Variants in ACYP2 observed in about 807,000 individuals in gnomAD.
The protein encoded by ACYP2 is acylphosphatase 2.
ACYP2 carries 12 observed loss-of-function variants against 11.2 expected under a neutral mutation model. That is an observed-to-expected ratio of 1.08 (90% CI 0.69 to 1.74). The LOEUF (loss-of-function observed/expected upper bound fraction) is 1.74. Among genes scored for constraint, ACYP2 ranks in the 40% most tolerant of loss-of-function variants. The pLI, the probability that ACYP2 is intolerant of heterozygous loss-of-function variation, is 0.00. For synonymous variants in ACYP2, 43 were observed against 32.2 expected, an observed-to-expected ratio of 1.33 and a Z score of -1.13; for missense variants, 134 against 101.9, an observed-to-expected ratio of 1.31 and a Z score of -1.35.
intron 6 of ACYP2, among the ~76,000 whole-genome samples, chr2:54,218,688 G>A (rs1003487024): frequency 7.7e-6 from 1 of 130,486 alleles, no homozygotes; most frequent in Non-Finnish European, 1.7e-5. Context: ...GTCTAGGGGT[G>A]GTATAGTGGT....
intron 2 of ACYP2, among the ~76,000 whole-genome samples, chr2:54,015,771 GAC>G (rs1673653606): frequency 6.6e-6 from 1 of 152,088 alleles, no homozygotes; most frequent in Admixed American, 6.6e-5. Flanking sequence ...AGATGCATGT[GAC>G]AGTTTGAGAG....
chr2:53,986,921 G>A (rs1034582363), intron 2 of ACYP2, among the ~76,000 whole-genome samples: 3 of 152,022 alleles, frequency 2.0e-5, no homozygotes, highest in African/African-American at 4.8e-5. Context: ...CACCGCACCC[G>A]ACCAAACCTC....
intron 2 of ACYP2, among the ~76,000 whole-genome samples, chr2:54,018,116 G>C (rs1333754232): frequency 1.3e-5 from 2 of 152,126 alleles, no homozygotes; most frequent in Non-Finnish European, 2.9e-5. Flanking sequence ...TAGCAACCCA[G>C]AGCACGTTTT....
intron 6 of ACYP2, among the ~76,000 whole-genome samples, chr2:54,180,741 A>G: frequency 6.6e-6 from 1 of 152,026 alleles, no homozygotes; most frequent in East Asian, 1.9e-4. Flanking sequence ...TTTTTTGTAG[A>G]GATGGGATTT....
intron 4 of ACYP2, among the ~76,000 whole-genome samples, chr2:54,084,326 A>C (rs916960566): frequency 1.3e-5 from 2 of 152,058 alleles, no homozygotes; most frequent in African/African-American, 4.8e-5. Context: ...ACGGAGTCTC[A>C]CTCTGTCGTC....
chr2:54,123,071 A>C, intron 4 of ACYP2: 1 of 292,746 alleles, frequency 3.4e-6, no homozygotes, highest in Non-Finnish European at 6.3e-6. Context: ...AGCGGGAGGA[A>C]GAAGAGGACA....
At chr2:54,146,712 A>C (rs986484937) in intron 6 of ACYP2, among the ~76,000 whole-genome samples, 9 of 150,494 alleles carry the variant, frequency 6.0e-5, no homozygotes, top group Admixed American at 3.3e-4. Flanking sequence ...ATAGCATCTC[A>C]TTCTTGTTGT....
intron 4 of ACYP2, among the ~76,000 whole-genome samples, chr2:54,096,241 C>T (rs1298766575): frequency 4.1e-5 from 6 of 147,508 alleles, no homozygotes; most frequent in Non-Finnish European, 7.5e-5. Flanking sequence ...GACGGGGCGG[C>T]GGAGCAGAGG....
chr2:54,076,765 G>C (rs1677364884), intron 4 of ACYP2, among the ~76,000 whole-genome samples: 1 of 152,160 alleles, frequency 6.6e-6, no homozygotes, highest in Non-Finnish European at 1.5e-5. Flanking sequence ...CTGGAGTGGA[G>C]GTGGTGGCTA....
intron 6 of ACYP2, among the ~76,000 whole-genome samples, chr2:54,291,930 G>C (rs1382652443): frequency 2.6e-5 from 4 of 152,196 alleles, no homozygotes; most frequent in African/African-American, 9.7e-5. Flanking sequence ...TAATTCTATA[G>C]GGGTATGCAC....
intron 6 of ACYP2, among the ~76,000 whole-genome samples, chr2:54,157,041 T>C (rs1682465806): frequency 6.6e-6 from 1 of 152,196 alleles, no homozygotes; most frequent in Non-Finnish European, 1.5e-5. Flanking sequence ...AAATCTATTT[T>C]AGTTTACCAG....
chr2:54,024,285 G>C (rs1308256571), intron 2 of ACYP2, among the ~76,000 whole-genome samples: 1 of 152,072 alleles, frequency 6.6e-6, no homozygotes. Flanking sequence ...AGAATCACTT[G>C]AACCTGAGAG....
At chr2:54,151,009 G>C (rs1266901739) in intron 6 of ACYP2, among the ~76,000 whole-genome samples, 1 of 152,116 alleles carries the variant, frequency 6.6e-6, no homozygotes, top group African/African-American at 2.4e-5. Flanking sequence ...CCAAAGTGCT[G>C]GGATTACAGG....
intron 6 of ACYP2, among the ~76,000 whole-genome samples, chr2:54,184,828 A>T (rs1242753292): frequency 2.0e-5 from 3 of 151,994 alleles, no homozygotes; most frequent in Non-Finnish European, 4.4e-5. Flanking sequence ...TTTCAAATTA[A>T]CTAATGCATT....
intron 4 of ACYP2, among the ~76,000 whole-genome samples, chr2:54,118,563 G>T (rs77620621): frequency 6.6e-6 from 1 of 152,110 alleles, no homozygotes; most frequent in East Asian, 1.9e-4. Flanking sequence ...GACTTTAAAA[G>T]TTGTGCTTTC....
At chr2:54,012,536 G>A (rs1009137558) in intron 2 of ACYP2, among the ~76,000 whole-genome samples, 1 of 152,036 alleles carries the variant, frequency 6.6e-6, no homozygotes, top group Non-Finnish European at 1.5e-5. Context: ...AATCAATAAA[G>A]CATTTTGTAT....
chr2:54,138,231 T>C (rs1419738013), intron 5 of ACYP2, among the ~76,000 whole-genome samples: 1 of 152,212 alleles, frequency 6.6e-6, no homozygotes, highest in Non-Finnish European at 1.5e-5. Flanking sequence ...ATCATAATTG[T>C]ATATGTTTTT....
At chr2:54,146,439 A>ATT (rs11360655) in intron 6 of ACYP2, among the ~76,000 whole-genome samples, 24 of 140,650 alleles carry the variant, frequency 1.7e-4, no homozygotes, top group East Asian at 1.3e-3. Context: ...CTGATCCTCT[A>ATT]TTTTTTTTTT....
intron 4 of ACYP2, 28 bp from the exon 2 acceptor site, chr2:54,135,425 C>T: frequency 6.2e-7 from 1 of 1,601,576 alleles, no homozygotes; most frequent in Non-Finnish European, 8.5e-7. Flanking sequence ...GACAAGCTGA[C>T]AATTCTTTTT....
Sources: gnomAD v4.1 joint callset for allele counts (sites outside exome capture counted in the v4.1 genomes callset) on GRCh38, gnomAD v4.1.1 for gene constraint, MANE v1.5 for transcripts, NCBI Gene and HGNC (gene_info 2026-07-23, HGNC 2026-07-21) for gene names.